PINK1: variants seen among roughly 807,000 people sequenced by gnomAD.
PINK1 encodes the protein serine/threonine-protein kinase PINK1, mitochondrial.
Under a neutral mutation model 56.0 loss-of-function variants are expected in PINK1, and 58 were observed. The ratio of observed to expected loss-of-function variants is 1.04; its 90% CI spans 0.84 to 1.29. The LOEUF is 1.29. Ranked by LOEUF, PINK1 falls within the 50% of genes most tolerant of loss-of-function variation. The probability of loss-of-function intolerance (pLI) is 0.00; values close to 1 mark genes in which losing one functional copy is unlikely to be tolerated. For synonymous variants in PINK1, 354 were observed against 339.3 expected (o/e 1.04, Z -0.48); for missense variants, 745 against 777.9 (o/e 0.96, Z 0.50).
intron 1 of PINK1, among the ~76,000 whole-genome samples, chr1:20,634,478 T>C (rs1201786129): frequency 2.0e-5 from 3 of 152,224 alleles, no homozygotes; most frequent in African/African-American, 7.2e-5. Context: ...TGTAGAGTTA[T>C]CCCTGCTGAC....
chr1:20,647,379 A>G (rs7532296), intron 5 of PINK1, among the ~76,000 whole-genome samples: 41,587 of 150,582 alleles, frequency 0.28, 5,914 homozygotes, highest in South Asian at 0.38. Flanking sequence ...GCTGGTCTCA[A>G]ACTCCTGGCC....
chr1:20,636,727 A>G (rs928170272), intron 1 of PINK1, among the ~76,000 whole-genome samples: 11 of 152,170 alleles, frequency 7.2e-5, no homozygotes, highest in Non-Finnish European at 1.6e-4. Context: ...AACCCTCTAG[A>G]AGGAAAGTTG....
At chr1:20,645,787 GGACT>G (rs2154533876) in intron 5 of PINK1, 64 bp downstream of exon 5, 1 of 1,597,768 alleles carries the variant, frequency 6.3e-7, no homozygotes, top group East Asian at 2.2e-5. Flanking sequence ...GGAGCATTTA[GGACT>G]GACTCTTCAG....
At chr1:20,648,310 C>T (rs2053213052) in intron 5 of PINK1, 195 bp from the exon 6 acceptor site, 3 of 704,230 alleles carry the variant, frequency 4.3e-6, no homozygotes, top group East Asian at 5.6e-5. Context: ...GCAGCCTGTA[C>T]TTACTGGAGG....
chr1:20,649,794 CAG>C (rs1291984263), intron 7 of PINK1: 95 of 154,872 alleles, frequency 6.1e-4, no homozygotes, highest in South Asian at 1.4e-3. Context: ...AAAGGCTATT[CAG>C]AGAGAGAAAA....
At chr1:20,633,968 G>A (rs769273312) in intron 1 of PINK1, 33 bp downstream of exon 1, 3 of 1,564,398 alleles carry the variant, frequency 1.9e-6, no homozygotes, top group African/African-American at 2.7e-5. Context: ...CCGAGCGGAG[G>A]ACGGAGCTAA....
chr1:20,644,360 A>G, intron 3 of PINK1, 130 bp from the exon 4 acceptor site: 1 of 1,139,024 alleles, frequency 8.8e-7, no homozygotes, highest in Non-Finnish European at 1.3e-6. Context: ...CACATAGCAA[A>G]TCTATGATAA....
At chr1:20,639,490 C>T (rs2053092163) in intron 2 of PINK1, 1 of 313,110 alleles carries the variant, frequency 3.2e-6, no homozygotes, top group Admixed American at 4.0e-5. Context: ...CAACTTCACC[C>T]AGGGTGGAGC....
intron 4 of PINK1, among the ~76,000 whole-genome samples, chr1:20,645,258 G>C (rs1233948416): frequency 6.6e-6 from 1 of 152,106 alleles, no homozygotes; most frequent in Admixed American, 6.6e-5. Context: ...GAAGGCGGAG[G>C]TGGGTAGATC....
chr1:20,636,973 A>C (rs577953037), intron 1 of PINK1, among the ~76,000 whole-genome samples: 2 of 152,326 alleles, frequency 1.3e-5, no homozygotes, highest in Non-Finnish European at 2.9e-5. Flanking sequence ...CAGCCGAGTG[A>C]CACATGAAAG....
intron 1 of PINK1, among the ~76,000 whole-genome samples, chr1:20,636,154 G>T (rs2053054278): frequency 6.6e-6 from 1 of 151,648 alleles, no homozygotes; most frequent in Non-Finnish European, 1.5e-5. Flanking sequence ...GCAACTAGCA[G>T]GAGTGTGCTA....
Position 20,633,691 on chromosome 1 carries a change from G to A in PINK1, c.143G>A (p.Trp48Ter). 6.7e-6 allele frequency: 10 copies of A among 1,494,538 alleles called. No individual in the cohort carries two copies. Among genetic ancestry groups the A allele is most frequent in the Non-Finnish European group, 8.9e-6 (10 of 1,129,272 alleles). 92.6% of individuals were successfully genotyped at this position (1,494,538 alleles called of 1,614,324 possible). A position where few individuals can be genotyped will look rare whatever the true frequency, so the allele number is the denominator to read the frequency against. ...AGCVRGERPG[W>*]AAGPGAEPRR... is the part of the protein sequence containing the mutation. ...TGTGTCCGCGGGGAGCGTCCAGGCT[G>A]GGCCGCAGGACCGGGCGCGGAGCCT... The change falls in exon 1 of 8, where the codon TGG becomes TAG. Residue 48 changes from tryptophan (W) to a stop codon, truncating the protein, a stop_gained. Transcript: ENST00000321556. LOFTEE classifies it high-confidence loss of function.
intron 7 of PINK1, chr1:20,649,998 A>G: frequency 3.8e-6 from 1 of 261,242 alleles, no homozygotes; most frequent in Non-Finnish European, 7.6e-6. Context: ...GCTTAGTGCA[A>G]AGAGCTGAGC....
chr1:20,650,011 T>G, intron 7 of PINK1: 1 of 286,702 alleles, frequency 3.5e-6, no homozygotes, highest in East Asian at 8.3e-5. Context: ...AGCTGAGCCA[T>G]ACCTGCACCC....
At chr1:20,642,322 A>G (rs1397954072) in intron 3 of PINK1, among the ~76,000 whole-genome samples, 1 of 152,188 alleles carries the variant, frequency 6.6e-6, no homozygotes, top group Non-Finnish European at 1.5e-5. Context: ...ACAGGAGTTG[A>G]ATTCAACCCT....
intron 4 of PINK1, 133 bp downstream of exon 4, chr1:20,644,805 T>C (rs529832802): frequency 8.2e-7 from 1 of 1,214,872 alleles, no homozygotes; most frequent in Non-Finnish European, 1.1e-6. Context: ...AAGAAAGCCA[T>C]GCAAAGGGAA....
At chr1:20,647,053 A>ATTGTTTT (rs2053191757) in intron 5 of PINK1, among the ~76,000 whole-genome samples, 1 of 91,438 alleles carries the variant, frequency 1.1e-5, no homozygotes, top group African/African-American at 4.3e-5. Flanking sequence ...CTAATTTTTG[A>ATTGTTTT]TTTTTTTTTT....
At chr1:20,638,257 A>C in intron 2 of PINK1, 128 bp downstream of exon 2, 1 of 1,133,420 alleles carries the variant, frequency 8.8e-7, no homozygotes, top group East Asian at 2.6e-5. Context: ...GTGCCTGTAT[A>C]GTCAGGTTAC....
intron 1 of PINK1, 120 bp from the exon 2 acceptor site, chr1:20,637,722 G>T: frequency 3.4e-6 from 4 of 1,187,790 alleles, no homozygotes; most frequent in Non-Finnish European, 4.9e-6. Context: ...TGTTTTTCTG[G>T]TTTATTGATC....
Sources: gnomAD v4.1 joint callset for allele counts (sites outside exome capture counted in the v4.1 genomes callset) on GRCh38, gnomAD v4.1.1 for gene constraint, MANE v1.5 for transcripts, NCBI Gene and HGNC (gene_info 2026-07-23, HGNC 2026-07-21) for gene names.